DYNC2H1: variants seen among roughly 807,000 people sequenced by gnomAD.
DYNC2H1 encodes dynein cytoplasmic 2 heavy chain 1.
Under a neutral mutation model 570.0 loss-of-function variants are expected in DYNC2H1, and 410 were observed. That is an observed-to-expected ratio of 0.72 (90% CI 0.66 to 0.78). DYNC2H1 has a LOEUF of 0.78. Among genes scored for constraint, DYNC2H1 ranks in the 30% least tolerant of loss-of-function variants. The pLI, the probability that DYNC2H1 is intolerant of heterozygous loss-of-function variation, is 0.00. For synonymous variants in DYNC2H1, 1,688 were observed against 1,677.6 expected, an observed-to-expected ratio of 1.01 and a Z score of -0.15; for missense variants, 4,865 against 5,046.4, an observed-to-expected ratio of 0.96 and a Z score of 1.09.
At chr11:103,337,379 C>T (rs1939198177) in intron 82 of DYNC2H1, among the ~76,000 whole-genome samples, 1 of 152,104 alleles carries the variant, frequency 6.6e-6, no homozygotes, top group Non-Finnish European at 1.5e-5. Context: ...TCTAGCACAG[C>T]TGGGTTAGGG....
chr11:103,236,652 TAAAA>T, intron 63 of DYNC2H1, 113 bp downstream of exon 63: 1 of 541,724 alleles, frequency 1.8e-6, no homozygotes, highest in Non-Finnish European at 3.2e-6. Flanking sequence ...CTTACTAAAA[TAAAA>T]ATATTTTGCT....
rs574212649 is a variant in DYNC2H1, at chr11:103,362,192, A to G, written c.12156+3833A>G. Reference sequence around the variant, plus strand: ...CTAATGAGAAAGATCCCGTTGAGGAAGTAGTTGAAGATGCTGAAAAATCGA... The same window carrying G: ...CTAATGAGAAAGATCCCGTTGAGGAGGTAGTTGAAGATGCTGAAAAATCGA... On this transcript the variant is annotated intron_variant, in intron 83 of 88. Coordinates refer to ENST00000375735, the MANE Select transcript of DYNC2H1 (RefSeq NM_001377.3). Among the ~76,000 whole-genome samples the G allele has an allele frequency of 7.2e-5, 11 of 152,322 alleles. 1 individual carries two copies. In the South Asian group the frequency reaches 1.7e-3, roughly 23 times the overall value.
chr11:103,452,311 AG>A (rs1944634829), intron 85 of DYNC2H1, among the ~76,000 whole-genome samples: 1 of 151,890 alleles, frequency 6.6e-6, no homozygotes, highest in South Asian at 2.1e-4. Context: ...TTTCCTCCAT[AG>A]GGTATCACTG....
At chr11:103,356,922 C>T (rs1250371057) in intron 82 of DYNC2H1, among the ~76,000 whole-genome samples, 2 of 152,122 alleles carry the variant, frequency 1.3e-5, no homozygotes, top group Non-Finnish European at 2.9e-5. Context: ...AATCACATTT[C>T]TCCCAAAGTA....
chr11:103,206,317 G>T (rs761202655), intron 52 of DYNC2H1, among the ~76,000 whole-genome samples: 1 of 152,092 alleles, frequency 6.6e-6, no homozygotes, highest in Admixed American at 6.6e-5. Flanking sequence ...AGACTATGAG[G>T]CCTTCAGTTT....
intron 83 of DYNC2H1, among the ~76,000 whole-genome samples, chr11:103,383,505 G>A (rs1312085510): frequency 2.0e-5 from 3 of 147,046 alleles, no homozygotes; most frequent in Non-Finnish European, 4.4e-5. Flanking sequence ...ATGGAGTCTC[G>A]CTCTATTGTC....
intron 18 of DYNC2H1, among the ~76,000 whole-genome samples, chr11:103,144,921 C>A (rs1430145420): frequency 6.6e-6 from 1 of 151,724 alleles, no homozygotes; most frequent in Admixed American, 6.6e-5. Flanking sequence ...TGCTGTGTCA[C>A]CCAGGCTGGA....
At chr11:103,436,240 G>A (rs1944057469) in intron 85 of DYNC2H1, among the ~76,000 whole-genome samples, 1 of 147,944 alleles carries the variant, frequency 6.8e-6, no homozygotes, top group Non-Finnish European at 1.5e-5. Context: ...GCTTTACTGT[G>A]GCTTTTCATC....
At chr11:103,178,504 G>A (rs1347221578) in intron 38 of DYNC2H1, among the ~76,000 whole-genome samples, 5 of 151,938 alleles carry the variant, frequency 3.3e-5, no homozygotes, top group Non-Finnish European at 7.4e-5. Context: ...TTGTTTCAAA[G>A]GTCCAAGTAC....
intron 83 of DYNC2H1, among the ~76,000 whole-genome samples, chr11:103,394,834 A>G (rs1167705436): frequency 1.3e-5 from 2 of 152,116 alleles, no homozygotes; most frequent in African/African-American, 2.4e-5. Flanking sequence ...AAAGGTTTAG[A>G]AATCCAAGCT....
Position 103,228,803 on chromosome 11 carries a change from T to C in DYNC2H1, c.9354-2457T>C, listed in dbSNP as rs1863892130. 1.3e-5 allele frequency among the ~76,000 whole-genome samples: 2 copies of C among 152,206 alleles called. No homozygotes were observed. The highest frequency in any genetic ancestry group is 4.8e-5 in the African/African-American group (2 of 41,542). ...GCAGGGCCTTAGAGCTTTCAAGATA[T>C]TATGACCTTTGTTTTTGGCTACCAG... On this transcript the variant is annotated intron_variant, in intron 59 of 88. Transcript: ENST00000375735. This position sits in a 1 kb window ranked among gnomAD's most constrained non-coding sequence, Gnocchi z 6.1.
At position 103,465,286 on chromosome 11, in the gene DYNC2H1, C is replaced by T. The variant is rs926924082; in HGVS notation, c.12649-3303C>T. ...GTTACTTAAAGATATACATTTCAGT[C>T]GTGATCACGCAGATAATTTGAGAAG... On this transcript the variant is annotated intron_variant, in intron 87 of 88. Coordinates refer to ENST00000375735, the MANE Select transcript of DYNC2H1 (RefSeq NM_001377.3). The surrounding 1 kb of genome is among the most constrained non-coding windows in gnomAD (Gnocchi z 4.9). 1.7e-4 allele frequency among the ~76,000 whole-genome samples: 26 copies of T among 152,018 alleles called. No individual in the cohort carries two copies. The highest frequency in any genetic ancestry group is 3.8e-4 in the Non-Finnish European group (26 of 68,008).
At chr11:103,208,772 A>C (rs1227712752) in intron 52 of DYNC2H1, among the ~76,000 whole-genome samples, 1 of 152,132 alleles carries the variant, frequency 6.6e-6, no homozygotes, top group Non-Finnish European at 1.5e-5. Flanking sequence ...AATATATGAA[A>C]TATATGAGAA....
intron 54 of DYNC2H1, among the ~76,000 whole-genome samples, chr11:103,214,993 T>C (rs1273775674): frequency 6.6e-6 from 1 of 152,176 alleles, no homozygotes; most frequent in Non-Finnish European, 1.5e-5. Flanking sequence ...TTTTTCTGTG[T>C]TGATTTTGTA....
At chr11:103,399,327 T>TTTG (rs55702463) in intron 83 of DYNC2H1, among the ~76,000 whole-genome samples, 2,809 of 136,350 alleles carry the variant, frequency 0.021, 79 homozygotes, top group African/African-American at 0.058. Context: ...TTTTTTTTTT[T>TTTG]GTATTTTTAG....
chr11:103,185,024 G>T lies in DYNC2H1; in HGVS notation c.6606G>T (p.Met2202Ile), dbSNP rs765701377. 6.2e-7 allele frequency: 1 copy of T among 1,609,356 alleles called. No homozygotes were observed. Among genetic ancestry groups the T allele is most frequent in the Non-Finnish European group, 8.5e-7 (1 of 1,176,972 alleles). ...LIRGLGGNLN[M>I]KSRLEFTKEV... The stretch of plus-strand genomic sequence containing the variant: ...GGGGACTTGGTGGAAATCTGAATAT[G>T]AAGTCACGTTTGGAATTTACCAAAG... Residue 2202 changes from methionine to isoleucine, a missense_variant, in exon 41 of 89, where the codon ATG becomes ATT. Met to Ile is a conservative substitution (Grantham distance 10). This residue lies in a region of DYNC2H1 where 231 missense variants were observed against 310.3 expected (regional missense o/e 0.74). Transcript: ENST00000375735. The surrounding 1 kb of genome is among the most constrained non-coding windows in gnomAD (Gnocchi z 4.5).
rs745841427 is a variant in DYNC2H1 at position 103,255,365 on chromosome 11, T to C, written c.10207-50T>C. On this transcript the variant is annotated intron_variant, in intron 66 of 88. Transcript: ENST00000375735. ...GGCCTGTTTGCAGGAAGTTTTTGTTTTGTTTTAAGCCTTATTGCTAGAATT... is the reference window on the plus strand; with the variant it reads ...GGCCTGTTTGCAGGAAGTTTTTGTTCTGTTTTAAGCCTTATTGCTAGAATT... 42 of 1,514,868 alleles carry C rather than the reference T, an allele frequency of 2.8e-5. No individual in the cohort carries two copies. The East Asian group carries it at 8.1e-4, about 29-fold the overall frequency. The allele number at this position is 1,514,868 out of a possible 1,614,324, so 93.8% of individuals were successfully genotyped here.
chr11:103,210,158 A>T (rs934042842), intron 53 of DYNC2H1, among the ~76,000 whole-genome samples, 198 bp downstream of exon 53: 21 of 152,102 alleles, frequency 1.4e-4, no homozygotes, highest in African/African-American at 5.1e-4. Context: ...TTTAACCTAG[A>T]ACCCAACAGA....
Position 103,170,075 on chromosome 11 carries a change from T to G in DYNC2H1, c.4969-33T>G, listed in dbSNP as rs768288181. The stretch of plus-strand genomic sequence containing the variant: ...ATATTTGTAAATGTTGAATAGAACA[T>G]GAATACTCTGACTTTGTGTTGTTCT... On this transcript the variant is annotated intron_variant, in intron 32 of 88. Coordinates refer to ENST00000375735, the MANE Select transcript of DYNC2H1 (RefSeq NM_001377.3). The surrounding 1 kb of genome is among the most constrained non-coding windows in gnomAD (Gnocchi z 4.8). The G allele has an allele frequency of 1.3e-6, 2 of 1,552,306 alleles. No individual in the cohort carries two copies. Among genetic ancestry groups the G allele is most frequent in the Non-Finnish European group, 1.7e-6 (2 of 1,144,762 alleles).
Sources: gnomAD v4.1 joint callset for allele counts (sites outside exome capture counted in the v4.1 genomes callset) on GRCh38, gnomAD v4.1.1 for gene constraint, gnomAD v4.1.1 regional missense constraint, Gnocchi (gnomAD v3.1) non-coding constraint, MANE v1.5 for transcripts, NCBI Gene and HGNC (gene_info 2026-07-23, HGNC 2026-07-21) for gene names.